The following CSMD3 variants were observed in gnomAD, a reference collection of about 807,000 sequenced individuals.
CSMD3 encodes the protein CUB and sushi domain-containing protein 3.
CSMD3 carries 177 observed loss-of-function variants against 435.2 expected under a neutral mutation model. The observed-to-expected ratio is 0.41, with a 90% CI of 0.36 to 0.46. The LOEUF is 0.46. Ranked by LOEUF, CSMD3 falls within the 20% of genes least tolerant of loss-of-function variation. CSMD3 has a pLI of 0.34. For missense variants in CSMD3, 4,265 were observed against 4,504.6 expected (o/e 0.95, Z 1.52); for synonymous variants, 1,656 against 1,520.5 (o/e 1.09, Z -2.07).
At chr8:112,957,155 A>C (rs2084050219) in intron 7 of CSMD3, among the ~76,000 whole-genome samples, 1 of 152,272 alleles carries the variant, frequency 6.6e-6, no homozygotes, top group African/African-American at 2.4e-5. Flanking sequence ...TACAATATAT[A>C]CCATAAAATA....
intron 3 of CSMD3, among the ~76,000 whole-genome samples, chr8:113,260,768 C>T (rs1043995320): frequency 6.6e-6 from 1 of 152,052 alleles, no homozygotes; most frequent in African/African-American, 2.4e-5. Context: ...ATGTTCCCTT[C>T]CCTGTGTCCA....
intron 4 of CSMD3, among the ~76,000 whole-genome samples, chr8:113,105,423 A>G (rs1419900155): frequency 6.6e-6 from 1 of 152,148 alleles, no homozygotes; most frequent in Non-Finnish European, 1.5e-5. Context: ...GTCATAGGGC[A>G]AAGTTCTAGA....
At chr8:113,362,174 C>T (rs2094281709) in intron 1 of CSMD3, among the ~76,000 whole-genome samples, 1 of 152,132 alleles carries the variant, frequency 6.6e-6, no homozygotes, top group African/African-American at 2.4e-5. Flanking sequence ...AATTACTGAA[C>T]ACAAACTCTG....
chr8:112,472,525 T>A (rs1399898578), intron 32 of CSMD3, 66 bp downstream of exon 32: 1 of 862,318 alleles, frequency 1.2e-6, no homozygotes, highest in African/African-American at 1.7e-5. Flanking sequence ...AATTTTTGAA[T>A]AGCATGTAGT....
intron 6 of CSMD3, among the ~76,000 whole-genome samples, 190 bp from the exon 7 acceptor site, chr8:112,976,338 A>G (rs567104291): frequency 6.6e-6 from 1 of 152,228 alleles, no homozygotes; most frequent in East Asian, 1.9e-4. Context: ...CAACCATCCT[A>G]TGGATAGATA....
chr8:112,555,395 T>C (rs1465215240), intron 25 of CSMD3, among the ~76,000 whole-genome samples: 1 of 152,010 alleles, frequency 6.6e-6, no homozygotes, highest in Non-Finnish European at 1.5e-5. Context: ...TATTGTGCTA[T>C]TAAACTCTTA....
intron 16 of CSMD3, among the ~76,000 whole-genome samples, chr8:112,674,528 G>T (rs547340893): frequency 9.2e-5 from 14 of 151,992 alleles, no homozygotes; most frequent in Non-Finnish European, 1.8e-4. Flanking sequence ...CATCCCTGAC[G>T]GCACACCCTA....
At chr8:112,781,753 G>A (rs1415995162) in intron 13 of CSMD3, among the ~76,000 whole-genome samples, 1 of 152,116 alleles carries the variant, frequency 6.6e-6, no homozygotes, top group East Asian at 1.9e-4. Flanking sequence ...CTGTTGGGAG[G>A]AAAGTAAGTG....
chr8:112,602,974 C>T (rs2131426219), intron 22 of CSMD3, among the ~76,000 whole-genome samples: 1 of 152,090 alleles, frequency 6.6e-6, no homozygotes, highest in Non-Finnish European at 1.5e-5. Flanking sequence ...AGTGCAGTGG[C>T]ACTCTCTTTG....
intron 3 of CSMD3, among the ~76,000 whole-genome samples, chr8:113,234,025 A>C (rs1465077933): frequency 1.3e-5 from 2 of 152,104 alleles, no homozygotes; most frequent in Non-Finnish European, 2.9e-5. Context: ...TAATAGGCAC[A>C]AGCACACATT....
intron 13 of CSMD3, among the ~76,000 whole-genome samples, chr8:112,736,952 G>T (rs1489490075): frequency 6.6e-6 from 1 of 151,860 alleles, no homozygotes; most frequent in East Asian, 1.9e-4. Context: ...AAATTGTACT[G>T]CTTTGCTATT....
chr8:112,481,217 G>A (rs1401220648), intron 31 of CSMD3, among the ~76,000 whole-genome samples: 1 of 152,120 alleles, frequency 6.6e-6, no homozygotes, highest in Non-Finnish European at 1.5e-5. Context: ...GAAGAAGGAG[G>A]AGGAGGAGGA....
At chr8:112,966,595 G>A (rs2084426785) in intron 7 of CSMD3, among the ~76,000 whole-genome samples, 2 of 150,710 alleles carry the variant, frequency 1.3e-5, no homozygotes, top group African/African-American at 4.9e-5. Context: ...TTTGTTATTT[G>A]ATACATTGAA....
At chr8:112,400,001 T>A (rs1398882948) in intron 35 of CSMD3, among the ~76,000 whole-genome samples, 1 of 152,122 alleles carries the variant, frequency 6.6e-6, no homozygotes, top group Admixed American at 6.5e-5. Context: ...CACCTCAAAC[T>A]CTTCCAGCCT....
At chr8:112,249,732 C>A (rs1815095449) in intron 63 of CSMD3, among the ~76,000 whole-genome samples, 2 of 151,992 alleles carry the variant, frequency 1.3e-5, no homozygotes, top group South Asian at 4.1e-4. Context: ...TAACATTGAA[C>A]TTTTGTATCC....
In CSMD3 at chr8:112,270,067, C is replaced by G. The variant is rs183182977; in HGVS notation, c.9509-4477G>C. 1.1e-4 allele frequency among the ~76,000 whole-genome samples: 17 copies of G among 152,216 alleles called. No homozygotes were observed. The South Asian group carries it at 1.2e-3, about 11-fold the overall frequency. On this transcript the variant is annotated intron_variant, in intron 59 of 70. Coordinates refer to ENST00000297405, the MANE Select transcript of CSMD3 (RefSeq NM_198123.2). ...GAAAAGATTTTGCTTATGAGGCATA[C>G]TTTTAGAGATAGATTAATTAGACTT...
intron 10 of CSMD3, among the ~76,000 whole-genome samples, chr8:112,906,755 T>C (rs1170402867): frequency 6.6e-6 from 1 of 151,538 alleles, no homozygotes; most frequent in Non-Finnish European, 1.5e-5. Context: ...CTTTAAAAAG[T>C]TTTCCACTGC....
chr8:113,242,986 C>T (rs1055849706), intron 3 of CSMD3, among the ~76,000 whole-genome samples: 1 of 151,884 alleles, frequency 6.6e-6, no homozygotes, highest in African/African-American at 2.4e-5. Context: ...GATACTCTAG[C>T]ACAAATAAAT....
At chr8:112,426,900 T>A (rs1377833307) in intron 32 of CSMD3, among the ~76,000 whole-genome samples, 1 of 152,200 alleles carries the variant, frequency 6.6e-6, no homozygotes, top group Non-Finnish European at 1.5e-5. Context: ...TTTCAGGTAA[T>A]CGTGATACCT....
Sources: allele counts gnomAD v4.1 joint callset (sites outside exome capture counted in the v4.1 genomes callset), GRCh38; gene constraint gnomAD v4.1.1; transcripts MANE v1.5; gene names NCBI Gene and HGNC (gene_info 2026-07-23, HGNC 2026-07-21).